The following ULK4 variants were observed in gnomAD, a reference collection of about 807,000 sequenced individuals.
The protein encoded by ULK4 is unc-51 like kinase 4, also known as inactive serine/threonine-protein kinase ULK4.
In ULK4, 133 loss-of-function variants were observed where a neutral mutation model predicts 160.6. The ratio of observed to expected loss-of-function variants is 0.83; its 90% CI spans 0.72 to 0.96. The LOEUF (loss-of-function observed/expected upper bound fraction) is 0.96. Among genes scored for constraint, ULK4 ranks in the 40% least tolerant of loss-of-function variants. The pLI is 0.00. For missense variants in ULK4, 1,580 were observed against 1,499.5 expected (o/e 1.05, Z -0.89); for synonymous variants, 534 against 539.8 (o/e 0.99, Z 0.15).
chr3:41,452,935 G>A (rs1250143419), intron 34 of ULK4, among the ~76,000 whole-genome samples: 1 of 152,068 alleles, frequency 6.6e-6, no homozygotes, highest in Non-Finnish European at 1.5e-5. Flanking sequence ...AGAGTTTAAC[G>A]TGTTCGCAGT....
At chr3:41,741,638 T>C (rs781520822) in intron 22 of ULK4, among the ~76,000 whole-genome samples, 15 of 152,074 alleles carry the variant, frequency 9.9e-5, no homozygotes, top group Admixed American at 5.2e-4. Flanking sequence ...TTAATAGTCA[T>C]AGATGTTTCC....
chr3:41,499,955 A>AT (rs2085134680), intron 32 of ULK4, among the ~76,000 whole-genome samples: 1 of 152,076 alleles, frequency 6.6e-6, no homozygotes. Flanking sequence ...TATGTTTTCA[A>AT]ATTTACTGAT....
At chr3:41,941,165 T>C (rs553787152) in intron 2 of ULK4, among the ~76,000 whole-genome samples, 26 of 150,568 alleles carry the variant, frequency 1.7e-4, no homozygotes, top group Non-Finnish European at 3.2e-4. Context: ...GCCTCCAGAG[T>C]AGTGGGGACC....
chr3:41,956,462 G>A (rs1700489338), intron 1 of ULK4, among the ~76,000 whole-genome samples: 1 of 151,632 alleles, frequency 6.6e-6, no homozygotes, highest in Non-Finnish European at 1.5e-5. Flanking sequence ...TTGCTGTGCT[G>A]GGCATTTTGT....
intron 30 of ULK4, among the ~76,000 whole-genome samples, chr3:41,627,386 GT>G (rs2033563823): frequency 6.6e-6 from 1 of 152,120 alleles, no homozygotes; most frequent in Admixed American, 6.5e-5. Context: ...CTTGCTTGCA[GT>G]TTTTATCTAC....
intron 32 of ULK4, among the ~76,000 whole-genome samples, chr3:41,466,619 C>T (rs2083842796): frequency 6.6e-6 from 1 of 151,992 alleles, no homozygotes. Flanking sequence ...TTCTTAGGAT[C>T]CCAAAATACC....
chr3:41,579,141 G>C (rs1468133675), intron 31 of ULK4, among the ~76,000 whole-genome samples: 1 of 152,238 alleles, frequency 6.6e-6, no homozygotes, highest in African/African-American at 2.4e-5. Flanking sequence ...AAATGGGAAA[G>C]AGGGAAAGGG....
chr3:41,821,030 C>T (rs1375208820), intron 18 of ULK4, among the ~76,000 whole-genome samples: 1 of 152,174 alleles, frequency 6.6e-6, no homozygotes, highest in Non-Finnish European at 1.5e-5. Context: ...CCACCACAAC[C>T]CTTAACATCA....
intron 36 of ULK4, among the ~76,000 whole-genome samples, chr3:41,247,239 G>A (rs1479695527): frequency 6.6e-6 from 1 of 152,140 alleles, no homozygotes; most frequent in African/African-American, 2.4e-5. Flanking sequence ...AGCCACCTCT[G>A]CCAGAAACAC....
chr3:41,311,203 T>TC (rs2080041907), intron 35 of ULK4, among the ~76,000 whole-genome samples: 1 of 152,152 alleles, frequency 6.6e-6, no homozygotes, highest in Non-Finnish European at 1.5e-5. Flanking sequence ...ATACTGAGTG[T>TC]CAACTTGATT....
chr3:41,424,792 A>T (rs940881045), intron 34 of ULK4, among the ~76,000 whole-genome samples: 1 of 151,444 alleles, frequency 6.6e-6, no homozygotes, highest in African/African-American at 2.4e-5. Context: ...GCAGCCTCAA[A>T]GATCAAAGCT....
At chr3:41,568,733 C>T (rs1160860692) in intron 31 of ULK4, among the ~76,000 whole-genome samples, 3 of 152,172 alleles carry the variant, frequency 2.0e-5, no homozygotes, top group Non-Finnish European at 4.4e-5. Context: ...TTTCCCCACA[C>T]ACGAAGCAAG....
At chr3:41,933,482 T>C (rs1699661707) in intron 4 of ULK4, among the ~76,000 whole-genome samples, 1 of 152,156 alleles carries the variant, frequency 6.6e-6, no homozygotes, top group Non-Finnish European at 1.5e-5. Flanking sequence ...TGTGTTCCAG[T>C]GAAAGTTTAT....
chr3:41,444,616 T>C (rs772433692), intron 34 of ULK4, among the ~76,000 whole-genome samples: 2 of 152,196 alleles, frequency 1.3e-5, no homozygotes, highest in South Asian at 2.1e-4. Flanking sequence ...AATTTCCTCA[T>C]TGATGCACAT....
At chr3:41,655,737 A>T (rs906129764) in intron 30 of ULK4, among the ~76,000 whole-genome samples, 2 of 152,144 alleles carry the variant, frequency 1.3e-5, no homozygotes, top group Non-Finnish European at 2.9e-5. Context: ...ACCTATTGAG[A>T]TTTCATCAAA....
At chr3:41,320,318 T>C (rs1325109125) in intron 35 of ULK4, among the ~76,000 whole-genome samples, 2 of 152,210 alleles carry the variant, frequency 1.3e-5, no homozygotes, top group East Asian at 3.8e-4. Flanking sequence ...AACCATGCTC[T>C]GTAACGCAGG....
chr3:41,475,587 C>T (rs1278938548), intron 32 of ULK4, among the ~76,000 whole-genome samples: 1 of 151,936 alleles, frequency 6.6e-6, no homozygotes, highest in South Asian at 2.1e-4. Flanking sequence ...TCACTTTGTA[C>T]CCCATAAATA....
intron 22 of ULK4, among the ~76,000 whole-genome samples, chr3:41,748,149 T>C (rs2038481256): frequency 6.7e-6 from 1 of 148,398 alleles, no homozygotes; most frequent in Non-Finnish European, 1.5e-5. Flanking sequence ...AGAGACTATA[T>C]ATATATATAT....
At chr3:41,819,305 T>C (rs2041064258) in intron 19 of ULK4, 118 bp downstream of exon 19, 3 of 884,224 alleles carry the variant, frequency 3.4e-6, no homozygotes, top group Admixed American at 2.8e-5. Context: ...ATTATTTAAA[T>C]TCAGGAGCAA....
Sources: gnomAD v4.1 joint callset for allele counts (sites outside exome capture counted in the v4.1 genomes callset) on GRCh38, gnomAD v4.1.1 for gene constraint, MANE v1.5 for transcripts, NCBI Gene and HGNC (gene_info 2026-07-23, HGNC 2026-07-21) for gene names.